CNTNAP5: variants seen among roughly 807,000 people sequenced by gnomAD.
The protein encoded by CNTNAP5 is contactin associated protein family member 5, also known as contactin-associated protein-like 5.
A neutral mutation model predicts 150.2 loss-of-function variants in CNTNAP5; 72 were observed. That is an observed-to-expected ratio of 0.48 (90% confidence interval 0.40 to 0.58). The LOEUF (loss-of-function observed/expected upper bound fraction) is 0.58, where lower values mean the gene tolerates loss of function less well. Among genes scored for constraint, CNTNAP5 ranks in the 20% least tolerant of loss-of-function variants. CNTNAP5 has a pLI of 0.00. For synonymous variants in CNTNAP5, 672 were observed against 619.8 expected (o/e 1.08, Z -1.25); for missense variants, 1,636 against 1,626.2 (o/e 1.01, Z -0.10).
chr2:124,920,054 C>G lies in CNTNAP5; in HGVS notation c.*5766C>G, dbSNP rs1253554806. On this transcript the variant is annotated 3_prime_UTR_variant, in exon 24 of 24. Transcript: ENST00000682447. ...ACGAGTACCGCCAGGGACCTACCAT[C>G]TAACACCATCTGGGAACACTATTTT... 1.3e-5 allele frequency among the ~76,000 whole-genome samples: 2 copies of G among 152,120 alleles called. No individual in the cohort carries two copies. The highest frequency in any genetic ancestry group is 4.8e-5 in the African/African-American group (2 of 41,442).
At chr2:124,824,589 G>C (rs948273277) in intron 19 of CNTNAP5, among the ~76,000 whole-genome samples, 1 of 152,062 alleles carries the variant, frequency 6.6e-6, no homozygotes, top group Admixed American at 6.6e-5. Flanking sequence ...AAAATCCATG[G>C]TTTGTCAATT....
At chr2:124,520,383 A>C (rs199516711) in intron 8 of CNTNAP5, among the ~76,000 whole-genome samples, 6 of 152,216 alleles carry the variant, frequency 3.9e-5, no homozygotes, top group Non-Finnish European at 7.3e-5. Context: ...TCAGAATAAA[A>C]TTCACAGGAA....
chr2:124,083,361 A>AAAATAAAT (rs945121611), intron 1 of CNTNAP5, among the ~76,000 whole-genome samples: 6 of 152,136 alleles, frequency 3.9e-5, no homozygotes. Flanking sequence ...TCCATCTCAA[A>AAAATAAAT]AAATAAATAA....
intron 3 of CNTNAP5, among the ~76,000 whole-genome samples, chr2:124,286,856 C>A (rs1688166362): frequency 6.6e-6 from 1 of 152,176 alleles, no homozygotes; most frequent in Non-Finnish European, 1.5e-5. Context: ...TCCATCTCAA[C>A]TAAAACTCTC....
intron 3 of CNTNAP5, among the ~76,000 whole-genome samples, chr2:124,390,521 A>G (rs1442548030): frequency 1.3e-5 from 2 of 152,206 alleles, no homozygotes; most frequent in Non-Finnish European, 2.9e-5. Context: ...AAATAGAAAC[A>G]TACTGGAAGC....
chr2:124,558,743 G>A (rs879776444), intron 10 of CNTNAP5, among the ~76,000 whole-genome samples: 1 of 152,120 alleles, frequency 6.6e-6, no homozygotes, highest in Non-Finnish European at 1.5e-5. Flanking sequence ...CTTCAGCCCG[G>A]CCCCAGTTAA....
At chr2:124,779,207 G>A (rs529083863) in intron 17 of CNTNAP5, among the ~76,000 whole-genome samples, 1 of 152,302 alleles carries the variant, frequency 6.6e-6, no homozygotes, top group East Asian at 1.9e-4. Flanking sequence ...CCTTTCCAGG[G>A]GGATTCACAT....
intron 3 of CNTNAP5, among the ~76,000 whole-genome samples, chr2:124,384,815 A>G (rs1158314458): frequency 6.6e-6 from 1 of 152,168 alleles, no homozygotes; most frequent in Non-Finnish European, 1.5e-5. Context: ...CAAAGTGAAA[A>G]GGGCCAGGGA....
At chr2:124,752,166 T>A (rs1016790569) in intron 14 of CNTNAP5, among the ~76,000 whole-genome samples, 1 of 152,166 alleles carries the variant, frequency 6.6e-6, no homozygotes, top group African/African-American at 2.4e-5. Context: ...TAAGCCAGGG[T>A]GCTTAGGGAA....
chr2:124,454,102 A>G (rs1355278431), intron 6 of CNTNAP5, among the ~76,000 whole-genome samples: 2 of 152,186 alleles, frequency 1.3e-5, no homozygotes, highest in Non-Finnish European at 2.9e-5. Flanking sequence ...AAAGATACAG[A>G]ATTGCAGAAT....
At position 124,451,077 on chromosome 2, in the gene CNTNAP5, TAC is replaced by T. The variant is rs1553469346; in HGVS notation, c.918+4160_918+4161del. Among the ~76,000 whole-genome samples, 215 of 61,526 alleles carry T rather than the reference TAC, an allele frequency of 3.5e-3. 2 individuals carry two copies. Among genetic ancestry groups the T allele is most frequent in the African/African-American group, 5.9e-3 (82 of 13,964 alleles). 40.4% of individuals were successfully genotyped at this position (61,526 alleles called of 152,430 possible). A position where few individuals can be genotyped will look rare whatever the true frequency, so the allele number is the denominator to read the frequency against. On this transcript the variant is annotated intron_variant, in intron 6 of 23. Coordinates refer to ENST00000682447, the MANE Select transcript of CNTNAP5 (RefSeq NM_001367498.1). ...ATATATATATATATATATATATATATACACACACACACACACACACATAATGT... is the reference window on the plus strand; with the variant it reads ...ATATATATATATATATATATATATATACACACACACACACACACATAATGT...
At chr2:124,663,131 A>G (rs1415740806) in intron 13 of CNTNAP5, among the ~76,000 whole-genome samples, 1 of 152,186 alleles carries the variant, frequency 6.6e-6, no homozygotes, top group Non-Finnish European at 1.5e-5. Context: ...GTAAAGTAAG[A>G]ACCATGTGAC....
At chr2:124,803,633 T>C (rs1290048176) in intron 19 of CNTNAP5, among the ~76,000 whole-genome samples, 1 of 152,226 alleles carries the variant, frequency 6.6e-6, no homozygotes, top group Non-Finnish European at 1.5e-5. Flanking sequence ...TTTATCAATC[T>C]TTTTTTAAGC....
chr2:124,499,100 C>T (rs1020695714), intron 7 of CNTNAP5, among the ~76,000 whole-genome samples: 1 of 152,146 alleles, frequency 6.6e-6, no homozygotes, highest in African/African-American at 2.4e-5. Context: ...CATCCCACTA[C>T]TATTATTCCC....
At chr2:124,438,577 G>A (rs990111376) in intron 5 of CNTNAP5, among the ~76,000 whole-genome samples, 2 of 152,106 alleles carry the variant, frequency 1.3e-5, no homozygotes, top group African/African-American at 4.8e-5. Flanking sequence ...GCACCTGGGG[G>A]CCGAGTACAG....
intron 16 of CNTNAP5, among the ~76,000 whole-genome samples, chr2:124,767,509 T>G (rs1482577487): frequency 6.6e-6 from 1 of 152,074 alleles, no homozygotes; most frequent in East Asian, 1.9e-4. Context: ...CTTTTGAGAG[T>G]CAGTCTGGCA....
At chr2:124,690,415 G>A (rs947321966) in intron 13 of CNTNAP5, among the ~76,000 whole-genome samples, 2 of 151,984 alleles carry the variant, frequency 1.3e-5, no homozygotes, top group African/African-American at 2.4e-5. Context: ...ATATTCAAAC[G>A]AATTTTTTCC....
intron 1 of CNTNAP5, among the ~76,000 whole-genome samples, chr2:124,067,597 T>G (rs1682193044): frequency 6.6e-6 from 1 of 152,224 alleles, no homozygotes; most frequent in Non-Finnish European, 1.5e-5. Flanking sequence ...GGGATAAATT[T>G]ACAGGTTCAA....
In CNTNAP5 at chr2:124,346,536, G is replaced by A. The variant is rs140845379; in HGVS notation, c.382-70907G>A. ...TTAATAGTGCTATCTAATTCATAAC[G>A]TGTTAGAATATATAAATTCTATTGA... On this transcript the variant is annotated intron_variant, in intron 3 of 23. Transcript: ENST00000682447. Among the ~76,000 whole-genome samples, 609 of 152,116 alleles carry A rather than the reference G, an allele frequency of 4.0e-3. 3 individuals are homozygous for A. Among genetic ancestry groups the A allele is most frequent in the African/African-American group, 0.014 (575 of 41,514 alleles).
Sources: gnomAD v4.1 joint callset for allele counts (sites outside exome capture counted in the v4.1 genomes callset) on GRCh38, gnomAD v4.1.1 for gene constraint, MANE v1.5 for transcripts, NCBI Gene and HGNC (gene_info 2026-07-23, HGNC 2026-07-21) for gene names.